The following RNF213 variants were observed in gnomAD, a reference collection of about 807,000 sequenced individuals.
The protein encoded by RNF213 is ring finger protein 213, also known as E3 ubiquitin-protein ligase RNF213.
In RNF213, 341 loss-of-function variants were observed where a neutral mutation model predicts 514.4. That is an observed-to-expected ratio of 0.66 (90% CI 0.61 to 0.73). The LOEUF (loss-of-function observed/expected upper bound fraction) is 0.73, where lower values mean the gene tolerates loss of function less well. RNF213 is among the 30% of genes least tolerant of loss of function. The pLI, the probability that RNF213 is intolerant of heterozygous loss-of-function variation, is 0.00. For missense variants in RNF213, 5,767 were observed against 6,615.6 expected (o/e 0.87, Z 4.45); for synonymous variants, 2,655 against 2,658.2 (o/e 1.00, Z 0.04).
intron 2 of RNF213, 50 bp from the exon 3 acceptor site, chr17:80,273,191 A>C: frequency 6.2e-7 from 1 of 1,605,900 alleles, no homozygotes; most frequent in Non-Finnish European, 8.5e-7. Context: ...TTTCCTTCCT[A>C]ACACTCGCTT....
In RNF213 at chr17:80,386,685, C is replaced by T; in HGVS notation, c.14721-5C>T. 6.2e-7 allele frequency: 1 copy of T among 1,614,186 alleles called. No homozygotes were observed. The highest frequency in any genetic ancestry group is 1.7e-5 in the Admixed American group (1 of 60,036). On this transcript the variant is annotated splice_polypyrimidine_tract_variant and splice_region_variant and intron_variant, in intron 62 of 67. Transcript: ENST00000582970. ...GACGCTGAGCGCTGTCTTTCTGCCC[C>T]TCAGCTATTCCGTGGATGCCGCCGA...
rs1328596533 is a variant in RNF213 at position 80,264,985 on chromosome 17, T to C, written c.97+1207T>C. ...TCAGTCTTTGCCCAGCTGCTCGCCA[T>C]GGGGTCTCTCCGATGTTGTCCTTCA... is the stretch of plus-strand genomic sequence containing the variant. On this transcript the variant is annotated intron_variant, in intron 2 of 67. Coordinates refer to ENST00000582970, the MANE Select transcript of RNF213 (RefSeq NM_001256071.3). The surrounding 1 kb of genome is among the most constrained non-coding windows in gnomAD (Gnocchi z 5.0). Among the ~76,000 whole-genome samples the C allele has an allele frequency of 6.6e-6, 1 of 151,598 alleles. No homozygotes were observed. Among genetic ancestry groups the C allele is most frequent in the Non-Finnish European group, 1.5e-5 (1 of 67,978 alleles).
At chr17:80,271,058 A>G (rs182830375) in intron 2 of RNF213, among the ~76,000 whole-genome samples, 10 of 152,180 alleles carry the variant, frequency 6.6e-5, no homozygotes, top group African/African-American at 9.6e-5. Flanking sequence ...CAGGGTAAAT[A>G]TCGGCCCTGA....
chr17:80,287,882 T>C lies in RNF213; in HGVS notation c.329T>C (p.Leu110Ser), dbSNP rs142715215. The C allele has an allele frequency of 1.9e-6, 3 of 1,590,696 alleles. No individual in the cohort carries two copies. Among genetic ancestry groups the C allele is most frequent in the African/African-American group, 2.7e-5 (2 of 73,774 alleles). ...NKSASSELAS[L>S]PLSPASPCHL... ...TCCGCTTCCTCAGAGCTGGCTTCCT[T>C]GCCCCTTTCTCCTGCCAGCCCCTGT... The change falls in exon 4 of 68, where the codon TTG becomes TCG. Residue 110 changes from leucine to serine, a missense_variant. Coordinates refer to ENST00000582970, the MANE Select transcript of RNF213 (RefSeq NM_001256071.3).
chr17:80,323,655 A>G lies in RNF213; in HGVS notation c.3025-1375A>G, dbSNP rs551696816. Reference sequence around the variant, plus strand: ...TTTTTGTATTTTTAGTAGTTTCACCATATTGGTCAGGGTGGTCTCGAACTC... The same window carrying G: ...TTTTTGTATTTTTAGTAGTTTCACCGTATTGGTCAGGGTGGTCTCGAACTC... On this transcript the variant is annotated intron_variant, in intron 17 of 67. Transcript: ENST00000582970. Among the ~76,000 whole-genome samples, 5 of 152,076 alleles carry G rather than the reference A, an allele frequency of 3.3e-5. No individual in the cohort carries two copies. The East Asian group carries it at 9.7e-4, about 29-fold the overall frequency.
intron 5 of RNF213, among the ~76,000 whole-genome samples, chr17:80,289,267 G>T (rs957714056): frequency 1.3e-5 from 2 of 152,204 alleles, no homozygotes; most frequent in Non-Finnish European, 2.9e-5. Flanking sequence ...CATTCTGGCC[G>T]CTGTAAGAAG....
rs1184855857 is a variant in RNF213 at position 80,354,347 on chromosome 17, G to A, written c.10727-94G>A. On this transcript the variant is annotated intron_variant, in intron 35 of 67. Coordinates refer to ENST00000582970, the MANE Select transcript of RNF213 (RefSeq NM_001256071.3). Reference sequence around the variant, plus strand: ...TTGCTCTAGAATTGGCCTGGCCAACGGACTTCCCTTCCTGGGGGAGGTGGG... The same window carrying A: ...TTGCTCTAGAATTGGCCTGGCCAACAGACTTCCCTTCCTGGGGGAGGTGGG... The A allele has an allele frequency of 1.7e-5, 27 of 1,595,080 alleles. No individual in the cohort carries two copies. The East Asian group carries it at 3.3e-4, about 20-fold the overall frequency.
chr17:80,315,704 TAATGGAAGTGATG>T, intron 15 of RNF213: 1 of 149,272 alleles, frequency 6.7e-6, no homozygotes. Flanking sequence ...ATGGTAGAGG[TAATGGAAGTGATG>T]GTGGAGGTAC....
chr17:80,335,784 T>C (rs2077970819), intron 22 of RNF213, among the ~76,000 whole-genome samples: 3 of 152,108 alleles, frequency 2.0e-5, no homozygotes, highest in Admixed American at 6.5e-5. Flanking sequence ...GAGACCAGCC[T>C]GACCAACATG....
At chr17:80,378,559 C>T (rs1336804862) in intron 54 of RNF213, among the ~76,000 whole-genome samples, 6 of 152,130 alleles carry the variant, frequency 3.9e-5, no homozygotes, top group East Asian at 1.9e-4. Flanking sequence ...TGGGCTCAAG[C>T]GATCCTCCCG....
chr17:80,327,332 C>T (rs1378879423), intron 18 of RNF213, among the ~76,000 whole-genome samples: 1 of 152,182 alleles, frequency 6.6e-6, no homozygotes, highest in Non-Finnish European at 1.5e-5. Flanking sequence ...ACCCTGTTCT[C>T]TACAAAAAAT....
intron 11 of RNF213, among the ~76,000 whole-genome samples, chr17:80,300,384 G>A (rs2045133072): frequency 1.3e-5 from 2 of 151,548 alleles, no homozygotes; most frequent in South Asian, 4.2e-4. Context: ...GCTGGGATTG[G>A]TAGTGTGCGC....
intron 17 of RNF213, among the ~76,000 whole-genome samples, chr17:80,322,150 C>A (rs1387748103): frequency 1.6e-5 from 1 of 64,016 alleles, no homozygotes; most frequent in Non-Finnish European, 2.9e-5. Context: ...CCTCATCCCC[C>A]CCACCCCCCC....
rs759992177 is a variant in RNF213 at position 80,348,024 on chromosome 17, T to A, written c.9689T>A (p.Val3230Glu). ...GYHSDACASVVLQVIERQGPR... is the reference protein window; with the variant it reads ...GYHSDACASVELQVIERQGPR... ...CACTCGGACGCCTGCGCGTCTGTGGTGCTGCAGGTCATAGAGAGGCAGGGT... is the reference window on the plus strand; with the variant it reads ...CACTCGGACGCCTGCGCGTCTGTGGAGCTGCAGGTCATAGAGAGGCAGGGT... The change falls in exon 29 of 68, where the codon GTG becomes GAG. Residue 3230 changes from valine (V) to glutamate (E), a missense_variant. By Grantham distance (121) the Val-to-Glu change is moderately radical (BLOSUM62 -2). Transcript: ENST00000582970. 1 of 1,614,224 alleles carries A rather than the reference T, an allele frequency of 6.2e-7. No homozygotes were observed.
chr17:80,319,411 C>T, intron 17 of RNF213, 99 bp downstream of exon 17: 1 of 1,614,238 alleles, frequency 6.2e-7, no homozygotes, highest in Non-Finnish European at 8.5e-7. Context: ...GTCTCAGCTC[C>T]TCCGCTAACT....
In RNF213 at chr17:80,306,157, C is replaced by T. The variant is rs371526557; in HGVS notation, c.2211-95C>T. 100 of 1,198,152 alleles carry T rather than the reference C, an allele frequency of 8.3e-5. 1 individual carries two copies. Among genetic ancestry groups the T allele is most frequent in the African/African-American group, 7.5e-4 (50 of 66,706 alleles). The allele number at this position is 1,198,152 out of a possible 1,614,324, so 74.2% of individuals were successfully genotyped here. A position where few individuals can be genotyped will look rare whatever the true frequency, so the allele number is the denominator to read the frequency against. On this transcript the variant is annotated intron_variant, in intron 11 of 67. Transcript: ENST00000582970. The stretch of plus-strand genomic sequence containing the variant: ...GTAGTATTTAAATCATTTTTGAATT[C>T]GGGACTGTTTCTGTCCCTCCAGCAT...
intron 2 of RNF213, among the ~76,000 whole-genome samples, chr17:80,270,736 G>A (rs1303379371): frequency 3.3e-5 from 5 of 152,096 alleles, no homozygotes; most frequent in African/African-American, 1.2e-4. Flanking sequence ...GTTTATACTG[G>A]GAACAGCCTG....
rs764593834 is a variant in RNF213 at position 80,376,459 on chromosome 17, T to G, written c.13344T>G (p.Ile4448Met). ...NLDGTVTEMA[I>M]HAAAVLLCGQ... ...ATGGAACGGTGACAGAAATGGCCAT[T>G]CATGCTGCAGCCGTCCTTCTGTGTG... The change falls in exon 52 of 68, where the codon ATT (isoleucine) becomes ATG (methionine). Residue 4448 changes from isoleucine (I) to methionine (M), a missense_variant. By Grantham distance (10) the Ile-to-Met change is conservative. Coordinates refer to ENST00000582970, the MANE Select transcript of RNF213 (RefSeq NM_001256071.3). 1 of 1,614,160 alleles carries G rather than the reference T, an allele frequency of 6.2e-7. No individual in the cohort carries two copies. Among genetic ancestry groups the G allele is most frequent in the Non-Finnish European group, 8.5e-7 (1 of 1,180,024 alleles).
chr17:80,281,998 A>G lies in RNF213; in HGVS notation c.262-5817A>G, dbSNP rs546946917. On this transcript the variant is annotated intron_variant, in intron 3 of 67. Coordinates refer to ENST00000582970, the MANE Select transcript of RNF213 (RefSeq NM_001256071.3). ...CAGCCTCCCGAGCAGCTGGGACTAT[A>G]GGCGCCTGCCACCACACCTGGCTAA... Among the ~76,000 whole-genome samples, 492 of 152,052 alleles carry G rather than the reference A, an allele frequency of 3.2e-3. 1 individual carries two copies. Among genetic ancestry groups the G allele is most frequent in the Middle Eastern group, 0.01 (3 of 294 alleles).
Sources: gnomAD v4.1 joint callset for allele counts (sites outside exome capture counted in the v4.1 genomes callset) on GRCh38, gnomAD v4.1.1 for gene constraint, Gnocchi (gnomAD v3.1) non-coding constraint, MANE v1.5 for transcripts, NCBI Gene and HGNC (gene_info 2026-07-23, HGNC 2026-07-21) for gene names.